TBC1D19: variants seen among roughly 807,000 people sequenced by gnomAD.
TBC1D19 encodes the protein TBC1 domain family member 19.
Under a neutral mutation model 89.0 loss-of-function variants are expected in TBC1D19, and 60 were observed. The ratio of observed to expected loss-of-function variants is 0.67; its 90% confidence interval spans 0.55 to 0.84. TBC1D19 has a LOEUF of 0.84. TBC1D19 is among the 40% of genes least tolerant of loss of function. TBC1D19 has a pLI of 0.00. For synonymous variants in TBC1D19, 189 were observed against 199.7 expected, an observed-to-expected ratio of 0.95 and a Z score of 0.45; for missense variants, 500 against 610.8, an observed-to-expected ratio of 0.82 and a Z score of 1.91.
At chr4:26,811,853 C>T in the TBC1D19 span, among the ~76,000 whole-genome samples, 9 of 152,322 alleles carry the variant, frequency 5.9e-5, no homozygotes, top group African/African-American at 1.9e-4. Flanking sequence ...TTGTTGCCAT[C>T]TTGGTTTTGG....
intron 11 of TBC1D19, among the ~76,000 whole-genome samples, chr4:26,676,111 G>A (rs35662415): frequency 0.18 from 27,720 of 152,040 alleles, 3,058 homozygotes; most frequent in Non-Finnish European, 0.25. Context: ...GATAACAATA[G>A]CCAAGACTAA....
chr4:26,837,903 T>C, the TBC1D19 span, among the ~76,000 whole-genome samples: 1 of 151,902 alleles, frequency 6.6e-6, no homozygotes, highest in Non-Finnish European at 1.5e-5. Flanking sequence ...AGAAGGAGAT[T>C]TTATAAAAAA....
At chr4:26,668,576 A>G (rs1328501260) in intron 9 of TBC1D19, among the ~76,000 whole-genome samples, 1 of 152,110 alleles carries the variant, frequency 6.6e-6, no homozygotes, top group Non-Finnish European at 1.5e-5. Flanking sequence ...CAGTTGGAGC[A>G]TAGAATACTA....
At chr4:26,658,985 C>T (rs186861847) in intron 7 of TBC1D19, among the ~76,000 whole-genome samples, 1 of 152,282 alleles carries the variant, frequency 6.6e-6, no homozygotes, top group Non-Finnish European at 1.5e-5. Flanking sequence ...AGATTTTGGG[C>T]TGAGACGGTG....
chr4:26,603,609 G>A (rs1368869641), intron 1 of TBC1D19, among the ~76,000 whole-genome samples: 2 of 152,038 alleles, frequency 1.3e-5, no homozygotes, highest in Non-Finnish European at 2.9e-5. Flanking sequence ...CAGTACCACA[G>A]ACTTAAAACT....
chr4:26,746,615 C>T (rs1015968016), intron 18 of TBC1D19, among the ~76,000 whole-genome samples: 10 of 152,072 alleles, frequency 6.6e-5, no homozygotes, highest in African/African-American at 2.2e-4. Flanking sequence ...TGTAGTTTCC[C>T]CTTATCTGTG....
At chr4:26,724,701 T>C (rs1419008272) in intron 15 of TBC1D19, among the ~76,000 whole-genome samples, 1 of 152,214 alleles carries the variant, frequency 6.6e-6, no homozygotes, top group Non-Finnish European at 1.5e-5. Flanking sequence ...CCAGGCTGTT[T>C]ACAACTGTAT....
At chr4:26,852,102 CA>C in the TBC1D19 span, among the ~76,000 whole-genome samples, 1 of 152,252 alleles carries the variant, frequency 6.6e-6, no homozygotes, top group Non-Finnish European at 1.5e-5. Context: ...TGAACGTATG[CA>C]AAACTGAGTT....
chr4:26,594,130 C>CA (rs1255310120), intron 1 of TBC1D19, among the ~76,000 whole-genome samples: 1 of 152,068 alleles, frequency 6.6e-6, no homozygotes. Flanking sequence ...GAAAATGTGG[C>CA]ACATATACAC....
chr4:26,784,807 T>C, the TBC1D19 span, among the ~76,000 whole-genome samples: 3 of 152,214 alleles, frequency 2.0e-5, no homozygotes, highest in African/African-American at 4.8e-5. Flanking sequence ...AGTAGTTCTC[T>C]GCCTTGGGGA....
At chr4:26,750,830 T>A (rs566868976) in intron 19 of TBC1D19, among the ~76,000 whole-genome samples, 1 of 152,352 alleles carries the variant, frequency 6.6e-6, no homozygotes, top group South Asian at 2.1e-4. Context: ...AAATTAGTTT[T>A]GATTATTTCG....
chr4:26,768,328 C>T, the TBC1D19 span, among the ~76,000 whole-genome samples: 1 of 152,178 alleles, frequency 6.6e-6, no homozygotes, highest in Non-Finnish European at 1.5e-5. Context: ...AAGCAAGGCT[C>T]AGGAGGATTA....
At chr4:26,641,152 G>C (rs1452933736) in intron 7 of TBC1D19, among the ~76,000 whole-genome samples, 1 of 152,204 alleles carries the variant, frequency 6.6e-6, no homozygotes, top group Non-Finnish European at 1.5e-5. Flanking sequence ...TCCCAGTAGG[G>C]GCTGACTGAC....
chr4:26,837,716 C>T, the TBC1D19 span, among the ~76,000 whole-genome samples: 4 of 152,046 alleles, frequency 2.6e-5, no homozygotes, highest in South Asian at 2.1e-4. Flanking sequence ...AACAGGACAC[C>T]GGATGAGATC....
At chr4:26,577,483 A>T (rs920797092) in intron 1 of TBC1D19, among the ~76,000 whole-genome samples, 1 of 152,188 alleles carries the variant, frequency 6.6e-6, no homozygotes, top group Non-Finnish European at 1.5e-5. Flanking sequence ...TCCTGGGGAA[A>T]ATTGGAAATG....
At chr4:26,577,747 C>G (rs1163837482) in intron 1 of TBC1D19, among the ~76,000 whole-genome samples, 2 of 152,200 alleles carry the variant, frequency 1.3e-5, no homozygotes, top group East Asian at 3.9e-4. Context: ...TTCAGTGTCA[C>G]TAGGACTTAT....
At chr4:26,596,995 G>A (rs1367897997) in intron 1 of TBC1D19, among the ~76,000 whole-genome samples, 3 of 152,164 alleles carry the variant, frequency 2.0e-5, no homozygotes, top group African/African-American at 7.2e-5. Flanking sequence ...AATATACTCA[G>A]TTTTGCTGAA....
chr4:26,795,769 T>A, the TBC1D19 span, among the ~76,000 whole-genome samples: 1 of 152,224 alleles, frequency 6.6e-6, no homozygotes, highest in Non-Finnish European at 1.5e-5. Context: ...TTGGAAGTTA[T>A]GTGGAAAAGT....
At chr4:26,790,515 C>A in the TBC1D19 span, among the ~76,000 whole-genome samples, 1 of 151,998 alleles carries the variant, frequency 6.6e-6, no homozygotes, top group Non-Finnish European at 1.5e-5. Flanking sequence ...TGAGCTATAA[C>A]CATGATTGAT....
Sources: gnomAD v4.1 joint callset for allele counts (sites outside exome capture counted in the v4.1 genomes callset) on GRCh38, gnomAD v4.1.1 for gene constraint, MANE v1.5 for transcripts, NCBI Gene and HGNC (gene_info 2026-07-23, HGNC 2026-07-21) for gene names.